The following PDZD2 variants were observed in gnomAD, a reference collection of about 807,000 sequenced individuals.
PDZD2 encodes the protein PDZ domain containing 2, also known as PDZ domain-containing protein 2.
A neutral mutation model predicts 220.7 loss-of-function variants in PDZD2; 90 were observed. The ratio of observed to expected loss-of-function variants is 0.41; its 90% CI spans 0.34 to 0.49. The LOEUF is 0.49. Among genes scored for constraint, PDZD2 ranks in the 20% least tolerant of loss-of-function variants. The pLI, the probability that PDZD2 is intolerant of heterozygous loss-of-function variation, is 0.28. For missense variants in PDZD2, 3,174 were observed against 3,608.5 expected, an observed-to-expected ratio of 0.88 and a Z score of 3.08; for synonymous variants, 1,375 against 1,450.5, an observed-to-expected ratio of 0.95 and a Z score of 1.18.
At chr5:31,892,809 A>G (rs2150349589) in intron 2 of PDZD2, among the ~76,000 whole-genome samples, 1 of 106,378 alleles carries the variant, frequency 9.4e-6, no homozygotes, top group Middle Eastern at 4.4e-3. Context: ...GGGCTCCAGC[A>G]GTCCTCCTGC....
chr5:31,826,604 A>T (rs1756236648), intron 2 of PDZD2, among the ~76,000 whole-genome samples: 1 of 151,838 alleles, frequency 6.6e-6, no homozygotes, highest in South Asian at 2.1e-4. Flanking sequence ...TGAACTCGGA[A>T]GGCAGAGGTT....
chr5:31,699,768 T>TTTTTTTTGTTTG (rs1747535624), intron 1 of PDZD2, among the ~76,000 whole-genome samples: 2 of 90,340 alleles, frequency 2.2e-5, no homozygotes, highest in Non-Finnish European at 5.0e-5. Context: ...TGCCTGGCTG[T>TTTTTTTTGTTTG]TTTTTTTTGT....
At position 31,886,758 on chromosome 5, in the gene PDZD2, T is replaced by C. The variant is rs546353087; in HGVS notation, c.476+87034T>C. Among the ~76,000 whole-genome samples the C allele has an allele frequency of 1.2e-3, 187 of 151,508 alleles. 3 individuals carry two copies. The highest frequency in any genetic ancestry group is 4.1e-3 in the African/African-American group (169 of 41,364). ...TGTCGCTCAGGCTGGAGTGCAGTGG[T>C]GCGATCTCGGCTCACTGCAAACTCC... On this transcript the variant is annotated intron_variant, in intron 2 of 24. Transcript: ENST00000438447.
intron 2 of PDZD2, among the ~76,000 whole-genome samples, chr5:31,850,497 G>C (rs1428277272): frequency 6.6e-6 from 1 of 151,782 alleles, no homozygotes; most frequent in Non-Finnish European, 1.5e-5. Context: ...CCTCACTTCT[G>C]CTTAAACATG....
intron 1 of PDZD2, among the ~76,000 whole-genome samples, chr5:31,746,785 T>C (rs1457369583): frequency 6.6e-6 from 1 of 152,240 alleles, no homozygotes; most frequent in Non-Finnish European, 1.5e-5. Flanking sequence ...GGAGGAAAGA[T>C]TTATTTCCTT....
intron 2 of PDZD2, among the ~76,000 whole-genome samples, chr5:31,902,487 CT>C (rs35993323): frequency 0.081 from 11,065 of 136,588 alleles, 522 homozygotes; most frequent in East Asian, 0.14. Context: ...ACTTTTTTTT[CT>C]TTTTTTTTTT....
intron 1 of PDZD2, among the ~76,000 whole-genome samples, chr5:31,692,566 A>G (rs1001290103): frequency 6.6e-6 from 1 of 152,192 alleles, no homozygotes; most frequent in African/African-American, 2.4e-5. Flanking sequence ...TGCCTTCTGG[A>G]CAGTCCCCTG....
At chr5:31,780,404 AT>A (rs1752995795) in intron 1 of PDZD2, among the ~76,000 whole-genome samples, 1 of 152,106 alleles carries the variant, frequency 6.6e-6, no homozygotes, top group African/African-American at 2.4e-5. Context: ...GGTTCTGAGA[AT>A]GTTTAAATAT....
At chr5:32,052,809 T>A (rs1738700726) in intron 9 of PDZD2, 79 bp downstream of exon 9, 5 of 1,458,920 alleles carry the variant, frequency 3.4e-6, no homozygotes, top group Non-Finnish European at 4.8e-6. Context: ...ATTTTATTTG[T>A]TTTTGTGTTT....
chr5:32,041,920 A>C (rs906043585), intron 7 of PDZD2, among the ~76,000 whole-genome samples: 3 of 151,336 alleles, frequency 2.0e-5, no homozygotes, highest in Non-Finnish European at 4.4e-5. Context: ...AAAAAAAAAA[A>C]AAAAAACATC....
At chr5:31,733,974 G>C (rs1560142) in intron 1 of PDZD2, among the ~76,000 whole-genome samples, 1 of 152,160 alleles carries the variant, frequency 6.6e-6, no homozygotes, top group Non-Finnish European at 1.5e-5. Context: ...GTCTCCCAAA[G>C]ACTTTTCCCA....
intron 2 of PDZD2, among the ~76,000 whole-genome samples, chr5:31,951,303 A>C (rs1747160882): frequency 6.6e-6 from 1 of 152,152 alleles, no homozygotes. Flanking sequence ...CCTGGGTTCC[A>C]GTGATCCTCC....
chr5:31,925,544 C>G (rs560391802), intron 2 of PDZD2, among the ~76,000 whole-genome samples: 7 of 152,036 alleles, frequency 4.6e-5, no homozygotes, highest in African/African-American at 1.2e-4. Flanking sequence ...TTCTGGACAT[C>G]GGCCTTGGAA....
chr5:31,951,826 T>G (rs1747209588), intron 2 of PDZD2, among the ~76,000 whole-genome samples: 1 of 152,222 alleles, frequency 6.6e-6, no homozygotes, highest in South Asian at 2.1e-4. Context: ...CATGCTAGAT[T>G]GTCATCTCCT....
At chr5:31,925,199 A>T (rs760800620) in intron 2 of PDZD2, among the ~76,000 whole-genome samples, 8 of 152,220 alleles carry the variant, frequency 5.3e-5, no homozygotes, top group Non-Finnish European at 1.2e-4. Context: ...GCATCACATT[A>T]CCTGCCTTCA....
chr5:31,708,098 A>G (rs2150137298), intron 1 of PDZD2, among the ~76,000 whole-genome samples: 2 of 152,354 alleles, frequency 1.3e-5, no homozygotes, highest in Middle Eastern at 6.8e-3. Context: ...CAGGAAGGGC[A>G]TACCCATGTA....
chr5:31,810,280 T>G (rs1433064983), intron 2 of PDZD2, among the ~76,000 whole-genome samples: 3 of 150,746 alleles, frequency 2.0e-5, no homozygotes, highest in Admixed American at 6.6e-5. Context: ...TTTTTTTTTT[T>G]GAGACGGAGT....
At chr5:31,800,242 A>G (rs1300140658) in intron 2 of PDZD2, among the ~76,000 whole-genome samples, 2 of 152,216 alleles carry the variant, frequency 1.3e-5, no homozygotes, top group Admixed American at 6.5e-5. Context: ...CCGAAAGGAC[A>G]CAGATAAACA....
chr5:32,015,728 T>C (rs1432150390), intron 6 of PDZD2, among the ~76,000 whole-genome samples: 9 of 152,216 alleles, frequency 5.9e-5, no homozygotes, highest in Admixed American at 5.9e-4. Context: ...GAAAAATCTA[T>C]TTTCTAGCCT....
Sources: gnomAD v4.1 joint callset for allele counts (sites outside exome capture counted in the v4.1 genomes callset) on GRCh38, gnomAD v4.1.1 for gene constraint, MANE v1.5 for transcripts, NCBI Gene and HGNC (gene_info 2026-07-23, HGNC 2026-07-21) for gene names.